The following FCHSD2 variants were observed in gnomAD, a reference collection of about 807,000 sequenced individuals.
FCHSD2 encodes F-BAR and double SH3 domains protein 2.
A neutral mutation model predicts 108.1 loss-of-function variants in FCHSD2; 38 were observed. The ratio of observed to expected loss-of-function variants is 0.35; its 90% CI spans 0.27 to 0.46. FCHSD2 has a LOEUF of 0.46. FCHSD2 is among the 20% of genes least tolerant of loss of function. The probability of loss-of-function intolerance (pLI) is 1.00; values close to 1 mark genes in which losing one functional copy is unlikely to be tolerated. For synonymous variants in FCHSD2, 279 were observed against 314.7 expected (o/e 0.89, Z 1.20); for missense variants, 751 against 897.8 (o/e 0.84, Z 2.09).
intron 2 of FCHSD2, among the ~76,000 whole-genome samples, chr11:73,136,446 G>A (rs1861122567): frequency 6.6e-6 from 1 of 151,152 alleles, no homozygotes; most frequent in Non-Finnish European, 1.5e-5. Flanking sequence ...TACCATGGAG[G>A]ATGAGATGGG....
chr11:72,905,666 T>G (rs773480721), intron 9 of FCHSD2, among the ~76,000 whole-genome samples: 1 of 151,328 alleles, frequency 6.6e-6, no homozygotes. Flanking sequence ...TCAACTCCCA[T>G]CTATGAGTGA....
chr11:72,957,016 AGTCTTT>A (rs1856724177), intron 8 of FCHSD2, among the ~76,000 whole-genome samples: 3 of 32,074 alleles, frequency 9.4e-5, no homozygotes, highest in South Asian at 5.1e-3. Flanking sequence ...AAAGGACTCT[AGTCTTT>A]TTTTTTTTTT....
chr11:73,054,665 G>T (rs1479833962), intron 3 of FCHSD2, among the ~76,000 whole-genome samples: 1 of 151,966 alleles, frequency 6.6e-6, no homozygotes, highest in Admixed American at 6.6e-5. Flanking sequence ...AGAGAGAAAG[G>T]ACCTTTTCCT....
intron 12 of FCHSD2, 136 bp downstream of exon 12, chr11:72,887,334 C>T: frequency 4.8e-6 from 3 of 621,902 alleles, no homozygotes; most frequent in Non-Finnish European, 8.4e-6. Flanking sequence ...TCAACAAATA[C>T]TACTGTGGAC....
chr11:73,142,119 G>T lies in FCHSD2; in HGVS notation c.-242C>A, dbSNP rs1321153326. On this transcript the variant is annotated 5_prime_UTR_variant, in exon 1 of 20. Coordinates refer to ENST00000409418, the MANE Select transcript of FCHSD2 (RefSeq NM_014824.3). ...GGCTTGGGGCCCGGGCGGCCCGGGCGGCCCGGGGGTGTGTGAGGAAGGAGG... is the reference window on the plus strand; with the variant it reads ...GGCTTGGGGCCCGGGCGGCCCGGGCTGCCCGGGGGTGTGTGAGGAAGGAGG... 2 of 387,812 alleles carry T rather than the reference G, an allele frequency of 5.2e-6. No homozygotes were observed. Among genetic ancestry groups the T allele is most frequent in the Non-Finnish European group, 9.3e-6 (2 of 216,046 alleles). 24.0% of individuals were successfully genotyped at this position (387,812 alleles called of 1,614,324 possible).
At chr11:72,940,411 T>C (rs1391665742) in intron 8 of FCHSD2, 1 of 518,706 alleles carries the variant, frequency 1.9e-6, no homozygotes, top group South Asian at 2.8e-5. Flanking sequence ...AAATAATATA[T>C]GTAATGAGGT....
chr11:72,899,710 T>C (rs1256459983), intron 10 of FCHSD2, among the ~76,000 whole-genome samples: 3 of 119,874 alleles, frequency 2.5e-5, no homozygotes, highest in African/African-American at 9.5e-5. Context: ...CACTTCAGTC[T>C]GGGTGACAGA....
At chr11:73,047,528 C>T (rs183117270) in intron 3 of FCHSD2, among the ~76,000 whole-genome samples, 2 of 152,338 alleles carry the variant, frequency 1.3e-5, no homozygotes, top group East Asian at 1.9e-4. Context: ...TGGTCATTGA[C>T]AGTACCTAGC....
chr11:72,843,100 C>G, intron 16 of FCHSD2, 51 bp downstream of exon 16: 1 of 1,565,032 alleles, frequency 6.4e-7, no homozygotes, highest in East Asian at 2.2e-5. Context: ...CAGGGCAATA[C>G]AGTTTAGGTC....
chr11:72,862,792 T>A (rs964060355), intron 13 of FCHSD2, among the ~76,000 whole-genome samples: 1 of 152,176 alleles, frequency 6.6e-6, no homozygotes, highest in Non-Finnish European at 1.5e-5. Context: ...AGAAGAAAGT[T>A]GGAGGACTTA....
chr11:73,056,173 A>G (rs1164915073), intron 3 of FCHSD2, among the ~76,000 whole-genome samples: 1 of 152,148 alleles, frequency 6.6e-6, no homozygotes, highest in Non-Finnish European at 1.5e-5. Context: ...TCCATTATAC[A>G]TTAATAGGTT....
At chr11:72,983,495 A>C (rs1392391938) in intron 8 of FCHSD2, among the ~76,000 whole-genome samples, 1 of 152,112 alleles carries the variant, frequency 6.6e-6, no homozygotes, top group Non-Finnish European at 1.5e-5. Context: ...AAAAAGCTTC[A>C]TAATTATCAT....
intron 12 of FCHSD2, among the ~76,000 whole-genome samples, chr11:72,870,780 G>C (rs1352963766): frequency 3.3e-5 from 5 of 150,872 alleles, no homozygotes; most frequent in African/African-American, 1.2e-4. Flanking sequence ...GGTGCCTGTA[G>C]TCCCAGCTAC....
intron 9 of FCHSD2, among the ~76,000 whole-genome samples, chr11:72,903,972 A>T (rs967719373): frequency 4.9e-4 from 74 of 152,240 alleles, no homozygotes; most frequent in African/African-American, 1.7e-3. Context: ...TATATAGATG[A>T]ATAAGACAAA....
intron 3 of FCHSD2, among the ~76,000 whole-genome samples, chr11:73,037,548 T>C (rs961648845): frequency 6.6e-6 from 1 of 152,220 alleles, no homozygotes; most frequent in Admixed American, 6.5e-5. Context: ...TTCTCTGGTA[T>C]AGAATGCATT....
At chr11:73,103,288 T>C (rs1328557153) in intron 2 of FCHSD2, among the ~76,000 whole-genome samples, 1 of 152,196 alleles carries the variant, frequency 6.6e-6, no homozygotes, top group Non-Finnish European at 1.5e-5. Flanking sequence ...ATAATAAAAG[T>C]TGTAAATCCC....
At chr11:73,025,024 G>A (rs374688945) in intron 3 of FCHSD2, among the ~76,000 whole-genome samples, 78 of 152,218 alleles carry the variant, frequency 5.1e-4, no homozygotes, top group African/African-American at 1.1e-3. Flanking sequence ...GAAAAAGAAC[G>A]CTTATACACT....
intron 8 of FCHSD2, among the ~76,000 whole-genome samples, chr11:72,945,636 T>C (rs1300346415): frequency 6.6e-6 from 1 of 152,158 alleles, no homozygotes. Flanking sequence ...GAGAATATTT[T>C]TGCAATCTAC....
intron 3 of FCHSD2, among the ~76,000 whole-genome samples, chr11:73,038,110 G>A (rs570416248): frequency 1.6e-4 from 25 of 152,176 alleles, no homozygotes; most frequent in African/African-American, 5.1e-4. Flanking sequence ...TTCTTATGAC[G>A]AGGTGGGAAG....
Sources: gnomAD v4.1 joint callset for allele counts (sites outside exome capture counted in the v4.1 genomes callset) on GRCh38, gnomAD v4.1.1 for gene constraint, MANE v1.5 for transcripts, NCBI Gene and HGNC (gene_info 2026-07-23, HGNC 2026-07-21) for gene names.